Variants in TSPAN15 observed in about 807,000 individuals in gnomAD.
TSPAN15 encodes tetraspanin-15.
Under a neutral mutation model 34.5 loss-of-function variants are expected in TSPAN15, and 20 were observed. The ratio of observed to expected loss-of-function variants is 0.58; its 90% CI spans 0.41 to 0.84. TSPAN15 has a LOEUF of 0.84. TSPAN15 is among the 40% of genes least tolerant of loss of function. The pLI, the probability that TSPAN15 is intolerant of heterozygous loss-of-function variation, is 0.00. For missense variants in TSPAN15, 313 were observed against 386.1 expected (o/e 0.81, Z 1.59); for synonymous variants, 155 against 153.9 (o/e 1.01, Z -0.05).
At chr10:69,464,377 G>A (rs1184763257) in intron 1 of TSPAN15, among the ~76,000 whole-genome samples, 2 of 152,190 alleles carry the variant, frequency 1.3e-5, no homozygotes, top group Non-Finnish European at 2.9e-5. Flanking sequence ...AAGGGGGAAG[G>A]AGTGGGGCGA....
At chr10:69,458,310 G>A (rs1394777994) in intron 1 of TSPAN15, among the ~76,000 whole-genome samples, 3 of 152,164 alleles carry the variant, frequency 2.0e-5, no homozygotes, top group Non-Finnish European at 2.9e-5. Context: ...AATCATACAT[G>A]CGCATAGCTT....
chr10:69,523,263 C>T, the TSPAN15 span: 2 of 333,780 alleles, frequency 6.0e-6, no homozygotes, highest in Non-Finnish European at 1.1e-5. Flanking sequence ...TGCTCCAACT[C>T]TCAAAAAATT....
At chr10:69,483,351 TCA>T (rs201595619) in intron 1 of TSPAN15, among the ~76,000 whole-genome samples, 3,499 of 152,254 alleles carry the variant, frequency 0.023, 59 homozygotes, top group African/African-American at 0.035. Flanking sequence ...CCCTGCGTGT[TCA>T]CACAGTCTTC....
At chr10:69,478,432 C>T (rs544914734) in intron 1 of TSPAN15, among the ~76,000 whole-genome samples, 114 of 152,282 alleles carry the variant, frequency 7.5e-4, no homozygotes, top group African/African-American at 2.1e-3. Flanking sequence ...CTCCATGAGA[C>T]GGTTGTGGAA....
downstream of TSPAN15, among the ~76,000 whole-genome samples, chr10:69,511,812 C>T (rs1842417399): frequency 6.6e-6 from 1 of 152,008 alleles, no homozygotes; most frequent in Admixed American, 6.6e-5. Context: ...AAGCTGGAAG[C>T]CATCATTCTC....
chr10:69,453,376 A>T (rs141253372), intron 1 of TSPAN15, among the ~76,000 whole-genome samples: 1 of 152,154 alleles, frequency 6.6e-6, no homozygotes, highest in African/African-American at 2.4e-5. Context: ...GCTGCCCTAG[A>T]TGGTCTCATA....
At chr10:69,500,104 T>C (rs1399948159) in intron 5 of TSPAN15, among the ~76,000 whole-genome samples, 1 of 152,112 alleles carries the variant, frequency 6.6e-6, no homozygotes, top group East Asian at 1.9e-4. Context: ...TAGGGGCTGA[T>C]ATGCAGTGAT....
At chr10:69,498,419 C>CT (rs1301068702) in intron 5 of TSPAN15, 23 bp downstream of exon 5, 3 of 1,598,162 alleles carry the variant, frequency 1.9e-6, no homozygotes, top group Non-Finnish European at 1.7e-6. Context: ...CCTGTGGGGA[C>CT]TGGGGGGCTG....
the TSPAN15 span, among the ~76,000 whole-genome samples, chr10:69,538,770 TGA>T: frequency 6.6e-6 from 1 of 152,202 alleles, no homozygotes; most frequent in South Asian, 2.1e-4. Context: ...TCCTGTGTGT[TGA>T]GAGCTTGCAT....
intron 1 of TSPAN15, among the ~76,000 whole-genome samples, chr10:69,452,273 T>G (rs1429062876): frequency 6.6e-6 from 1 of 152,230 alleles, no homozygotes; most frequent in African/African-American, 2.4e-5. Context: ...TCGCTGGGCT[T>G]TACCTCCTCC....
At chr10:69,473,955 A>G (rs912533785) in intron 1 of TSPAN15, among the ~76,000 whole-genome samples, 2 of 152,182 alleles carry the variant, frequency 1.3e-5, no homozygotes, top group African/African-American at 4.8e-5. Flanking sequence ...AATTTGATGC[A>G]TTTCTTTTTT....
rs1027845850 is a variant in TSPAN15 at position 69,479,007 on chromosome 10, A to C, written c.97-4684A>C. ...GAGGTAAACAAAAGTAAAGATGTGG[A>C]TTTTTCTCCATCTCCAGTTTGAGAG... On this transcript the variant is annotated intron_variant, in intron 1 of 7. Transcript: ENST00000373290. 2.6e-5 allele frequency among the ~76,000 whole-genome samples: 4 copies of C among 152,186 alleles called. No homozygotes were observed. The East Asian group carries it at 7.7e-4, about 29-fold the overall frequency.
chr10:69,489,472 A>G (rs1231486382), intron 3 of TSPAN15, among the ~76,000 whole-genome samples: 1 of 152,232 alleles, frequency 6.6e-6, no homozygotes, highest in African/African-American at 2.4e-5. Flanking sequence ...GTAAGAAATT[A>G]TGAAGTATTA....
downstream of TSPAN15, among the ~76,000 whole-genome samples, chr10:69,508,314 G>C (rs1842377332): frequency 6.6e-6 from 1 of 151,756 alleles, no homozygotes; most frequent in South Asian, 2.1e-4. Context: ...GGTGGTGCGC[G>C]CCTGTAGTTC....
chr10:69,485,357 T>C, intron 3 of TSPAN15, 142 bp downstream of exon 3: 1 of 767,568 alleles, frequency 1.3e-6, no homozygotes, highest in Non-Finnish European at 2.3e-6. Context: ...TGACAGGCAC[T>C]GAACAAGTAA....
chr10:69,543,867 G>GTGTT, the TSPAN15 span, among the ~76,000 whole-genome samples: 1 of 140,768 alleles, frequency 7.1e-6, no homozygotes, highest in East Asian at 2.1e-4. Context: ...GTGTGTGTGT[G>GTGTT]TGTGTGTGTG....
chr10:69,539,055 C>A, the TSPAN15 span, among the ~76,000 whole-genome samples: 1 of 152,074 alleles, frequency 6.6e-6, no homozygotes, highest in African/African-American at 2.4e-5. Context: ...TCATAGAGGT[C>A]CTTGGTGACA....
chr10:69,515,993 G>T, the TSPAN15 span, among the ~76,000 whole-genome samples: 1 of 152,216 alleles, frequency 6.6e-6, no homozygotes, highest in South Asian at 2.1e-4. Context: ...ATTGTAGTAG[G>T]TGCTCAATAA....
intron 1 of TSPAN15, among the ~76,000 whole-genome samples, chr10:69,455,609 TC>T (rs1332373673): frequency 2.4e-3 from 248 of 101,320 alleles, no homozygotes; most frequent in Non-Finnish European, 3.1e-3. Context: ...TCTTTCTTTC[TC>T]TCTCTCTCTC....
Sources: allele counts gnomAD v4.1 joint callset (sites outside exome capture counted in the v4.1 genomes callset), GRCh38; gene constraint gnomAD v4.1.1; transcripts MANE v1.5; gene names NCBI Gene and HGNC (gene_info 2026-07-23, HGNC 2026-07-21).